Variants in GRIP1 observed in about 807,000 individuals in gnomAD.
GRIP1 encodes the protein glutamate receptor interacting protein 1, also known as glutamate receptor-interacting protein 1.
Under a neutral mutation model 129.9 loss-of-function variants are expected in GRIP1, and 45 were observed. That is an observed-to-expected ratio of 0.35 (90% CI 0.27 to 0.44). The LOEUF is 0.44. Among genes scored for constraint, GRIP1 ranks in the 20% least tolerant of loss-of-function variants. GRIP1 has a pLI of 1.00. For synonymous variants in GRIP1, 530 were observed against 520.8 expected (o/e 1.02, Z -0.24); for missense variants, 1,196 against 1,396.8 (o/e 0.86, Z 2.29).
chr12:66,455,284 G>T, intron 11 of GRIP1, 125 bp downstream of exon 11: 1 of 888,526 alleles, frequency 1.1e-6, no homozygotes, highest in Non-Finnish European at 1.9e-6. Flanking sequence ...GCTGTTAGCT[G>T]CTCAGCATCT....
chr12:66,505,288 A>G (rs1168928168), intron 7 of GRIP1, among the ~76,000 whole-genome samples: 1 of 152,214 alleles, frequency 6.6e-6, no homozygotes, highest in Non-Finnish European at 1.5e-5. Flanking sequence ...ATGGAGGGCC[A>G]TGTCAGAAGA....
chr12:66,466,077 T>C (rs1041699059), intron 7 of GRIP1, among the ~76,000 whole-genome samples: 2 of 152,338 alleles, frequency 1.3e-5, no homozygotes, highest in African/African-American at 2.4e-5. Context: ...ACTTCATATA[T>C]GCTTTATTTT....
In GRIP1 at chr12:66,441,761, G is replaced by T. The variant is rs74098327; in HGVS notation, c.1687+2823C>A. On this transcript the variant is annotated intron_variant, in intron 13 of 24. Transcript: ENST00000359742. The stretch of plus-strand genomic sequence containing the variant: ...TCTTTTTTCTCTAGTATTAGCAGTG[G>T]ATTTGCCAACTCATCTCTAAAATAG... Among the ~76,000 whole-genome samples the T allele has an allele frequency of 8.0e-3, 1,216 of 152,194 alleles. 14 individuals are homozygous for T. The highest frequency in any genetic ancestry group is 0.026 in the African/African-American group (1,085 of 41,504).
At chr12:66,777,272 G>A (rs2038011455) in intron 1 of GRIP1, among the ~76,000 whole-genome samples, 1 of 152,016 alleles carries the variant, frequency 6.6e-6, no homozygotes, top group Non-Finnish European at 1.5e-5. Flanking sequence ...CTGGCCTTCT[G>A]CTCCTCAAAT....
chr12:66,428,414 G>A (rs1177077633), intron 14 of GRIP1, among the ~76,000 whole-genome samples: 1 of 152,172 alleles, frequency 6.6e-6, no homozygotes, highest in East Asian at 1.9e-4. Context: ...GCTGCTTCAT[G>A]ATTTTATAAG....
chr12:66,745,896 GCCCCTCTGTT>G (rs2136584089), intron 1 of GRIP1, among the ~76,000 whole-genome samples: 1 of 152,272 alleles, frequency 6.6e-6, no homozygotes, highest in Non-Finnish European at 1.5e-5. Flanking sequence ...GAAGTGCAGG[GCCCCTCTGTT>G]CAGCAACACC....
At chr12:66,437,520 C>CT in intron 13 of GRIP1, among the ~76,000 whole-genome samples, 1 of 152,274 alleles carries the variant, frequency 6.6e-6, no homozygotes, top group East Asian at 1.9e-4. Context: ...GGGAGATGAA[C>CT]TTAACATTTC....
At chr12:66,451,421 T>TTTTTTTTTTTTC (rs1565752142) in intron 11 of GRIP1, among the ~76,000 whole-genome samples, 3 of 115,558 alleles carry the variant, frequency 2.6e-5, no homozygotes, top group African/African-American at 7.2e-5. Context: ...TTTTTTTTTT[T>TTTTTTTTTTTTC]CAGATAGGCT....
intron 7 of GRIP1, among the ~76,000 whole-genome samples, chr12:66,510,139 C>T (rs1431854512): frequency 6.6e-6 from 1 of 152,046 alleles, no homozygotes; most frequent in Non-Finnish European, 1.5e-5. Flanking sequence ...TGCCAAGCAC[C>T]ACATATGCAT....
At chr12:66,832,070 G>C (rs536631033) in intron 1 of GRIP1, among the ~76,000 whole-genome samples, 1 of 152,204 alleles carries the variant, frequency 6.6e-6, no homozygotes, top group African/African-American at 2.4e-5. Context: ...GTTGTGAATT[G>C]AGACAAGTCA....
intron 19 of GRIP1, among the ~76,000 whole-genome samples, chr12:66,391,341 A>T (rs766227108): frequency 6.6e-6 from 1 of 152,260 alleles, no homozygotes; most frequent in Non-Finnish European, 1.5e-5. Context: ...AAGTTTTGAC[A>T]TACTTCTCTT....
intron 1 of GRIP1, among the ~76,000 whole-genome samples, chr12:66,995,600 C>A (rs2042455738): frequency 1.3e-5 from 2 of 151,986 alleles, no homozygotes; most frequent in South Asian, 4.1e-4. Flanking sequence ...TGCTTTACAT[C>A]ATTATTTATC....
chr12:66,824,063 C>G (rs2039366915), intron 1 of GRIP1, among the ~76,000 whole-genome samples: 1 of 152,150 alleles, frequency 6.6e-6, no homozygotes, highest in Non-Finnish European at 1.5e-5. Context: ...TTGTACAAGT[C>G]TGACAAGTTT....
At chr12:66,643,403 T>C (rs2032098574) in intron 1 of GRIP1, among the ~76,000 whole-genome samples, 1 of 152,202 alleles carries the variant, frequency 6.6e-6, no homozygotes, top group Non-Finnish European at 1.5e-5. Flanking sequence ...AATATAAAGA[T>C]ATCAAACTAT....
At chr12:66,866,454 G>A (rs1469199208) in intron 1 of GRIP1, among the ~76,000 whole-genome samples, 1 of 152,142 alleles carries the variant, frequency 6.6e-6, no homozygotes, top group African/African-American at 2.4e-5. Context: ...GGGTGGGTGA[G>A]AGGGTCAATT....
intron 1 of GRIP1, among the ~76,000 whole-genome samples, chr12:66,859,251 C>T (rs1269036490): frequency 1.1e-5 from 1 of 93,072 alleles, no homozygotes; most frequent in African/African-American, 3.5e-5. Context: ...ATATTCTCCA[C>T]ATTTTCTGAA....
intron 7 of GRIP1, among the ~76,000 whole-genome samples, chr12:66,494,707 T>TC (rs2060189270): frequency 6.6e-6 from 1 of 151,292 alleles, no homozygotes; most frequent in South Asian, 2.1e-4. Context: ...AGTCTGTCTC[T>TC]AAAAAAACAA....
chr12:66,380,741 G>C (rs2056068079), intron 19 of GRIP1, among the ~76,000 whole-genome samples: 1 of 152,110 alleles, frequency 6.6e-6, no homozygotes, highest in Non-Finnish European at 1.5e-5. Context: ...TTATTATGGG[G>C]GTTCAAGTGG....
chr12:66,447,888 G>C (rs1482380807), intron 11 of GRIP1, among the ~76,000 whole-genome samples: 1 of 152,166 alleles, frequency 6.6e-6, no homozygotes, highest in Non-Finnish European at 1.5e-5. Flanking sequence ...TCTAGCTGGC[G>C]ACTGGCTTTA....
Sources: allele counts gnomAD v4.1 joint callset (sites outside exome capture counted in the v4.1 genomes callset), GRCh38; gene constraint gnomAD v4.1.1; transcripts MANE v1.5; gene names NCBI Gene and HGNC (gene_info 2026-07-23, HGNC 2026-07-21).